AFG1L: variants seen among roughly 807,000 people sequenced by gnomAD.
AFG1L encodes AFG1 like ATPase, also known as AFG1-like ATPase.
AFG1L carries 53 observed loss-of-function variants against 62.2 expected under a neutral mutation model. That is an observed-to-expected ratio of 0.85 (90% CI 0.68 to 1.07). The LOEUF is 1.07. Among genes scored for constraint, AFG1L ranks in the 50% least tolerant of loss-of-function variants. The pLI is 0.00. For synonymous variants in AFG1L, 228 were observed against 210.3 expected, an observed-to-expected ratio of 1.08 and a Z score of -0.73; for missense variants, 555 against 590.5, an observed-to-expected ratio of 0.94 and a Z score of 0.62.
At chr6:108,386,216 C>A (rs189917011) in intron 6 of AFG1L, among the ~76,000 whole-genome samples, 1 of 152,214 alleles carries the variant, frequency 6.6e-6, no homozygotes, top group African/African-American at 2.4e-5. Context: ...AATCTCAGCA[C>A]TTTGGGAGGC....
intron 10 of AFG1L, among the ~76,000 whole-genome samples, chr6:108,506,364 C>G (rs1774421008): frequency 6.6e-6 from 1 of 152,292 alleles, no homozygotes; most frequent in East Asian, 1.9e-4. Flanking sequence ...CATACCACCA[C>G]ACCTGGCTAA....
At chr6:108,410,152 A>G (rs772628455) in intron 7 of AFG1L, among the ~76,000 whole-genome samples, 8 of 150,104 alleles carry the variant, frequency 5.3e-5, no homozygotes, top group Non-Finnish European at 1.0e-4. Flanking sequence ...CTAAAAATAC[A>G]AAAAAATTAG....
At chr6:108,315,544 G>GCCTT (rs1488213568) in intron 1 of AFG1L, among the ~76,000 whole-genome samples, 1 of 152,102 alleles carries the variant, frequency 6.6e-6, no homozygotes, top group African/African-American at 2.4e-5. Context: ...GATTCTGTAT[G>GCCTT]CCTTCCTTCC....
At chr6:108,490,083 A>G (rs886107720) in intron 10 of AFG1L, among the ~76,000 whole-genome samples, 2 of 152,200 alleles carry the variant, frequency 1.3e-5, no homozygotes, top group Non-Finnish European at 1.5e-5. Flanking sequence ...TTACTAGGCT[A>G]GGCGCGGTGG....
intron 1 of AFG1L, among the ~76,000 whole-genome samples, chr6:108,322,979 G>C (rs1228518503): frequency 6.6e-6 from 1 of 152,190 alleles, no homozygotes; most frequent in Admixed American, 6.5e-5. Flanking sequence ...CACTCTTGCT[G>C]TGTCTCAATT....
intron 6 of AFG1L, among the ~76,000 whole-genome samples, chr6:108,373,200 C>T (rs1780089913): frequency 6.6e-6 from 1 of 152,064 alleles, no homozygotes; most frequent in African/African-American, 2.4e-5. Flanking sequence ...TACCCTTCCC[C>T]TCTAGTAGTC....
At chr6:108,372,265 A>G (rs992688075) in intron 6 of AFG1L, among the ~76,000 whole-genome samples, 8 of 148,092 alleles carry the variant, frequency 5.4e-5, no homozygotes, top group African/African-American at 2.0e-4. Flanking sequence ...TTTTTATTTT[A>G]TTTTTTTACT....
chr6:108,495,740 T>C (rs1011452489), intron 10 of AFG1L, among the ~76,000 whole-genome samples: 1 of 152,210 alleles, frequency 6.6e-6, no homozygotes. Context: ...CTTTGCAAAG[T>C]CATTATAGAT....
chr6:108,411,201 C>T (rs942624747), intron 7 of AFG1L, among the ~76,000 whole-genome samples: 5 of 152,212 alleles, frequency 3.3e-5, no homozygotes, highest in East Asian at 1.9e-4. Flanking sequence ...AAGGTGGCAG[C>T]GAGGCTGGGG....
chr6:108,465,584 T>A (rs1396391663), intron 8 of AFG1L, among the ~76,000 whole-genome samples: 1 of 152,140 alleles, frequency 6.6e-6, no homozygotes, highest in Non-Finnish European at 1.5e-5. Flanking sequence ...ATTTTTAGTG[T>A]AAGGCAATGT....
chr6:108,451,727 T>G (rs886351651), intron 8 of AFG1L, among the ~76,000 whole-genome samples: 7 of 152,134 alleles, frequency 4.6e-5, no homozygotes, highest in Non-Finnish European at 8.8e-5. Context: ...TCATTTTTTT[T>G]TGTGGGGGAC....
At chr6:108,296,997 C>G (rs1776789229) in intron 1 of AFG1L, among the ~76,000 whole-genome samples, 1 of 152,184 alleles carries the variant, frequency 6.6e-6, no homozygotes, top group Non-Finnish European at 1.5e-5. Context: ...CTCCAATACA[C>G]AAAATTTAGC....
chr6:108,465,889 T>C (rs1772647156), intron 8 of AFG1L, among the ~76,000 whole-genome samples: 2 of 152,138 alleles, frequency 1.3e-5, no homozygotes, highest in Admixed American at 1.3e-4. Context: ...CTTTAAAACA[T>C]AGTGACACTT....
chr6:108,514,302 T>C (rs534003367), intron 11 of AFG1L, among the ~76,000 whole-genome samples: 3 of 151,234 alleles, frequency 2.0e-5, no homozygotes, highest in East Asian at 3.9e-4. Context: ...GTGGATCTCT[T>C]GGCAGAAACT....
chr6:108,366,213 A>T lies in AFG1L; in HGVS notation c.649-20A>T. 1 of 1,480,754 alleles carries T rather than the reference A, an allele frequency of 6.8e-7. No individual in the cohort carries two copies. The highest frequency in any genetic ancestry group is 9.4e-7 in the Non-Finnish European group (1 of 1,066,312). 91.7% of individuals were successfully genotyped at this position (1,480,754 alleles called of 1,614,324 possible). A position where few individuals can be genotyped will look rare whatever the true frequency, so the allele number is the denominator to read the frequency against. ...AGCAGAAGTGAAATTAAAATAAAACAAATGTGTTGTTGTCAATAGGTCACT... is the reference window on the plus strand; with the variant it reads ...AGCAGAAGTGAAATTAAAATAAAACTAATGTGTTGTTGTCAATAGGTCACT... On this transcript the variant is annotated intron_variant, in intron 5 of 12. Coordinates refer to ENST00000368977, the MANE Select transcript of AFG1L (RefSeq NM_145315.5).
chr6:108,460,981 A>G (rs530721168), intron 8 of AFG1L, among the ~76,000 whole-genome samples: 3 of 151,614 alleles, frequency 2.0e-5, no homozygotes, highest in South Asian at 4.2e-4. Flanking sequence ...CAACAACAAC[A>G]ATGACAACAA....
chr6:108,500,163 G>GGTGC (rs557686036), intron 10 of AFG1L, among the ~76,000 whole-genome samples: 192 of 110,852 alleles, frequency 1.7e-3, no homozygotes, highest in African/African-American at 2.2e-3. Context: ...AGTATTCCAT[G>GGTGC]GTGCGTGCGT....
chr6:108,383,567 G>A (rs1012430634), intron 6 of AFG1L, among the ~76,000 whole-genome samples: 3 of 152,112 alleles, frequency 2.0e-5, no homozygotes, highest in Non-Finnish European at 4.4e-5. Flanking sequence ...GGTCATGTAG[G>A]AAAACTAACA....
chr6:108,519,942 A>G (rs771769898), intron 12 of AFG1L, 132 bp downstream of exon 12: 124 of 529,474 alleles, frequency 2.3e-4, no homozygotes, highest in Non-Finnish European at 2.0e-4. Context: ...CTATAAGCCC[A>G]TGTAGCAAAT....
Sources: gnomAD v4.1 joint callset for allele counts (sites outside exome capture counted in the v4.1 genomes callset) on GRCh38, gnomAD v4.1.1 for gene constraint, MANE v1.5 for transcripts, NCBI Gene and HGNC (gene_info 2026-07-23, HGNC 2026-07-21) for gene names.